The following WNT3A variants were observed in gnomAD, a reference collection of about 807,000 sequenced individuals.
WNT3A encodes the protein Wnt family member 3A.
WNT3A carries 17 observed loss-of-function variants against 37.0 expected under a neutral mutation model. That is an observed-to-expected ratio of 0.46 (90% CI 0.31 to 0.69). The LOEUF (loss-of-function observed/expected upper bound fraction) is 0.69, where lower values mean the gene tolerates loss of function less well. Ranked by LOEUF, WNT3A falls within the 30% of genes least tolerant of loss-of-function variation. The probability of loss-of-function intolerance (pLI) is 0.05; values close to 1 mark genes in which losing one functional copy is unlikely to be tolerated. For missense variants in WNT3A, 411 were observed against 510.2 expected (o/e 0.81, Z 1.87); for synonymous variants, 187 against 211.0 (o/e 0.89, Z 0.99).
At chr1:228,016,235 C>T (rs1407427339) in intron 1 of WNT3A, among the ~76,000 whole-genome samples, 1 of 152,134 alleles carries the variant, frequency 6.6e-6, no homozygotes, top group Admixed American at 6.5e-5. Context: ...AGACAGGGGC[C>T]ATGGAGCAAG....
At chr1:228,046,152 G>A (rs1225408879) in intron 2 of WNT3A, among the ~76,000 whole-genome samples, 1 of 152,278 alleles carries the variant, frequency 6.6e-6, no homozygotes, top group Non-Finnish European at 1.5e-5. Flanking sequence ...AGGCCAGGGA[G>A]TGGCATTGAG....
At position 228,050,626 on chromosome 1, in the gene WNT3A, G is replaced by A. The variant is rs2031523715; in HGVS notation, c.314-30G>A. 1.9e-6 allele frequency: 3 copies of A among 1,563,936 alleles called. No homozygotes were observed. In the East Asian group the frequency reaches 6.8e-5, roughly 35 times the overall value. On this transcript the variant is annotated intron_variant, in intron 2 of 3. Transcript: ENST00000284523. The surrounding 1 kb of genome is among the most constrained non-coding windows in gnomAD (Gnocchi z 5.0). ...AAGGCGGTCCTTTGAGCTGAGCCCT[G>A]TTAACCCTGCATCTCTCCTCTCTCT... is the stretch of plus-strand genomic sequence containing the variant.
rs368591588 is a variant in WNT3A at position 228,040,127 on chromosome 1, C to T, written c.314-10529C>T. ...TCCCTTGAGGCTATGGCCATGGAAACGCCAGCCATGGGAACACCCATTGGA... is the reference window on the plus strand; with the variant it reads ...TCCCTTGAGGCTATGGCCATGGAAATGCCAGCCATGGGAACACCCATTGGA... On this transcript the variant is annotated intron_variant, in intron 2 of 3. Transcript: ENST00000284523. Among the ~76,000 whole-genome samples, 14 of 152,308 alleles carry T rather than the reference C, an allele frequency of 9.2e-5. 1 individual carries two copies. In the East Asian group the frequency reaches 1.5e-3, roughly 17 times the overall value.
In WNT3A at chr1:228,037,711, T is replaced by A. The variant is rs1200101221; in HGVS notation, c.314-12945T>A. Among the ~76,000 whole-genome samples the A allele has an allele frequency of 6.6e-6, 1 of 152,122 alleles. No individual in the cohort carries two copies. The highest frequency in any genetic ancestry group is 2.4e-5 in the African/African-American group (1 of 41,432). ...TGGCTCCAGCGGCCTCTCTGGTATA[T>A]CATTAACTCTCCCCAGTGGGAGGGG... On this transcript the variant is annotated intron_variant, in intron 2 of 3. Transcript: ENST00000284523. This position sits in a 1 kb window ranked among gnomAD's most constrained non-coding sequence, Gnocchi z 4.1.
intron 1 of WNT3A, among the ~76,000 whole-genome samples, chr1:228,009,016 A>G (rs1032513666): frequency 6.6e-6 from 1 of 152,112 alleles, no homozygotes; most frequent in Non-Finnish European, 1.5e-5. Flanking sequence ...GCACCCTCCT[A>G]TCAAGAGTCC....
chr1:228,036,271 T>A (rs1429622700), intron 2 of WNT3A, among the ~76,000 whole-genome samples: 2 of 152,208 alleles, frequency 1.3e-5, no homozygotes, highest in Admixed American at 6.5e-5. Flanking sequence ...TGTGTGTGTG[T>A]GCACATGTGA....
intron 2 of WNT3A, among the ~76,000 whole-genome samples, chr1:228,028,932 G>A (rs1482883894): frequency 2.0e-5 from 3 of 152,128 alleles, no homozygotes; most frequent in Admixed American, 2.0e-4. Flanking sequence ...TCTCTCCTGA[G>A]ACAGTTCTGA....
intron 2 of WNT3A, among the ~76,000 whole-genome samples, chr1:228,029,053 C>T (rs1348942661): frequency 6.6e-6 from 1 of 152,234 alleles, no homozygotes; most frequent in Non-Finnish European, 1.5e-5. Context: ...ACCTGGGGAA[C>T]GCCGGCCTTC....
At chr1:228,041,332 C>T (rs912816699) in intron 2 of WNT3A, among the ~76,000 whole-genome samples, 1 of 151,906 alleles carries the variant, frequency 6.6e-6, no homozygotes, top group African/African-American at 2.4e-5. Context: ...CCTAAATGCC[C>T]ACCTCTTACC....
At chr1:228,052,406 A>T (rs2031574586) in intron 3 of WNT3A, among the ~76,000 whole-genome samples, 2 of 152,198 alleles carry the variant, frequency 1.3e-5, no homozygotes, top group Admixed American at 1.3e-4. Context: ...GGCCTCCCAA[A>T]GTGCTGTGAT....
intron 2 of WNT3A, among the ~76,000 whole-genome samples, chr1:228,028,709 G>T (rs1324182255): frequency 6.6e-6 from 1 of 152,136 alleles, no homozygotes; most frequent in African/African-American, 2.4e-5. Context: ...TGAAGCTGTA[G>T]ATTGCTTTGG....
chr1:228,038,277 C>A lies in WNT3A; in HGVS notation c.314-12379C>A, dbSNP rs974796238. On this transcript the variant is annotated intron_variant, in intron 2 of 3. Transcript: ENST00000284523. The surrounding 1 kb of genome is among the most constrained non-coding windows in gnomAD (Gnocchi z 5.7). ...CCGAGGGGAGGCGCCCGGGCGTCGG[C>A]TCCGGCGGGCTCCGGCGGGGACCGG... Among the ~76,000 whole-genome samples, 4 of 152,048 alleles carry A rather than the reference C, an allele frequency of 2.6e-5. No individual in the cohort carries two copies. The highest frequency in any genetic ancestry group is 9.7e-5 in the African/African-American group (4 of 41,420).
intron 2 of WNT3A, among the ~76,000 whole-genome samples, chr1:228,045,922 A>T (rs1216134929): frequency 6.6e-6 from 1 of 152,206 alleles, no homozygotes; most frequent in Non-Finnish European, 1.5e-5. Context: ...CCAGATTGCA[A>T]ATAAAAGGTG....
At chr1:228,030,205 G>T (rs2030965588) in intron 2 of WNT3A, among the ~76,000 whole-genome samples, 2 of 152,030 alleles carry the variant, frequency 1.3e-5, no homozygotes, top group Non-Finnish European at 2.9e-5. Flanking sequence ...GACCAGCCTG[G>T]CTAACATGGT....
rs2031203443 is a variant in WNT3A, at chr1:228,038,748, G to C, written c.314-11908G>C. Among the ~76,000 whole-genome samples the C allele has an allele frequency of 6.6e-6, 1 of 152,164 alleles. No individual in the cohort carries two copies. The highest frequency in any genetic ancestry group is 2.4e-5 in the African/African-American group (1 of 41,430). ...GCGTGCACGGGGGGCTGTGTTCGCT[G>C]TGACCCTCCATCCCCCAGGATGCCT... On this transcript the variant is annotated intron_variant, in intron 2 of 3. Coordinates refer to ENST00000284523, the MANE Select transcript of WNT3A (RefSeq NM_033131.4). This position sits in a 1 kb window ranked among gnomAD's most constrained non-coding sequence, Gnocchi z 5.7.
intron 1 of WNT3A, among the ~76,000 whole-genome samples, chr1:228,015,329 A>T (rs1299818801): frequency 1.3e-4 from 20 of 152,220 alleles, no homozygotes; most frequent in Non-Finnish European, 1.5e-5. Flanking sequence ...GCAGGGTCAC[A>T]TTCCCTTGGG....
intron 2 of WNT3A, among the ~76,000 whole-genome samples, chr1:228,025,677 T>C (rs551141993): frequency 2.0e-5 from 3 of 152,236 alleles, no homozygotes; most frequent in South Asian, 4.1e-4. Flanking sequence ...CCATGTTTTG[T>C]AGTTTTCAGG....
intron 2 of WNT3A, among the ~76,000 whole-genome samples, chr1:228,032,350 T>TCCCAGCCAGCAGATTGGCTGGGGG (rs2031031983): frequency 6.6e-6 from 1 of 152,166 alleles, no homozygotes; most frequent in Admixed American, 6.5e-5. Context: ...CAGATGGGAA[T>TCCCAGCCAGCAGATTGGCTGGGGG]CCCAGCCAGC....
At chr1:228,022,267 G>A (rs2030725024) in intron 1 of WNT3A, among the ~76,000 whole-genome samples, 1 of 152,086 alleles carries the variant, frequency 6.6e-6, no homozygotes, top group South Asian at 2.1e-4. Flanking sequence ...GGACCAGCCT[G>A]GGCAACATAG....
Sources: allele counts gnomAD v4.1 joint callset (sites outside exome capture counted in the v4.1 genomes callset), GRCh38; gene constraint gnomAD v4.1.1; non-coding constraint Gnocchi (gnomAD v3.1); transcripts MANE v1.5; gene names NCBI Gene and HGNC (gene_info 2026-07-23, HGNC 2026-07-21).